The following CA10 variants were observed in gnomAD, a reference collection of about 807,000 sequenced individuals.
The protein encoded by CA10 is carbonic anhydrase-related protein 10.
A neutral mutation model predicts 44.2 loss-of-function variants in CA10; 14 were observed. The observed-to-expected ratio is 0.32, with a 90% CI of 0.21 to 0.50. The LOEUF is 0.50. Ranked by LOEUF, CA10 falls within the 20% of genes least tolerant of loss-of-function variation. The pLI is 0.99. For synonymous variants in CA10, 159 were observed against 141.6 expected (o/e 1.12, Z -0.87); for missense variants, 350 against 409.7 (o/e 0.85, Z 1.26).
At chr17:52,039,380 C>T (rs954596466) in intron 2 of CA10, among the ~76,000 whole-genome samples, 1 of 151,936 alleles carries the variant, frequency 6.6e-6, no homozygotes, top group African/African-American at 2.4e-5. Context: ...GAGAAGTGAT[C>T]ATCTTAAACA....
At chr17:51,884,138 C>T (rs975735953) in intron 3 of CA10, among the ~76,000 whole-genome samples, 1 of 152,134 alleles carries the variant, frequency 6.6e-6, no homozygotes, top group East Asian at 1.9e-4. Flanking sequence ...CTCACTAGCT[C>T]TTCTGTTGCC....
chr17:51,957,168 A>C (rs1983698045), intron 2 of CA10, among the ~76,000 whole-genome samples: 1 of 152,214 alleles, frequency 6.6e-6, no homozygotes, highest in South Asian at 2.1e-4. Flanking sequence ...TTGCGAGTTA[A>C]TTAAAGTAGA....
chr17:51,874,200 A>G (rs1053843493), intron 3 of CA10, among the ~76,000 whole-genome samples: 14 of 152,172 alleles, frequency 9.2e-5, no homozygotes, highest in African/African-American at 2.9e-4. Flanking sequence ...CTTGAAGGAT[A>G]CCAAACAATA....
intron 1 of CA10, among the ~76,000 whole-genome samples, chr17:52,101,646 C>A (rs1383949496): frequency 6.6e-6 from 1 of 152,126 alleles, no homozygotes; most frequent in Non-Finnish European, 1.5e-5. Flanking sequence ...CTTATGTTAA[C>A]CAACAAAGTC....
intron 4 of CA10, among the ~76,000 whole-genome samples, chr17:51,736,129 A>G (rs1342490976): frequency 6.6e-6 from 1 of 152,172 alleles, no homozygotes; most frequent in Non-Finnish European, 1.5e-5. Context: ...CATCACTCAT[A>G]TTTGTCCCAT....
intron 6 of CA10, among the ~76,000 whole-genome samples, chr17:51,638,433 A>G (rs1185514706): frequency 6.6e-6 from 1 of 152,228 alleles, no homozygotes; most frequent in Non-Finnish European, 1.5e-5. Flanking sequence ...GAACGAGGAC[A>G]TGCTCGAGAG....
intron 2 of CA10, among the ~76,000 whole-genome samples, chr17:52,039,048 G>T (rs1209909042): frequency 6.6e-6 from 1 of 152,050 alleles, no homozygotes; most frequent in Non-Finnish European, 1.5e-5. Context: ...CCCAACTCAT[G>T]CATTTTATAA....
intron 1 of CA10, among the ~76,000 whole-genome samples, chr17:52,131,477 T>G (rs2143349556): frequency 6.6e-6 from 1 of 152,332 alleles, no homozygotes; most frequent in East Asian, 1.9e-4. Flanking sequence ...GAATTACAAC[T>G]ATATGCAGAA....
chr17:51,978,366 C>CTGTGTGTGTGTCTGTATGTGTG (rs1567907007), intron 2 of CA10, among the ~76,000 whole-genome samples: 1 of 149,880 alleles, frequency 6.7e-6, no homozygotes, highest in African/African-American at 2.5e-5. Context: ...ATACTCATAT[C>CTGTGTGTGTGTCTGTATGTGTG]TGTGTGTGTG....
chr17:51,732,488 G>A (rs1916753516), intron 4 of CA10, among the ~76,000 whole-genome samples: 1 of 152,188 alleles, frequency 6.6e-6, no homozygotes, highest in South Asian at 2.1e-4. Context: ...TGTGTCAACA[G>A]CACTTGAGCT....
intron 4 of CA10, among the ~76,000 whole-genome samples, chr17:51,720,740 G>C (rs977883844): frequency 1.7e-4 from 26 of 152,144 alleles, no homozygotes; most frequent in African/African-American, 6.3e-4. Context: ...GAGTAGAAAG[G>C]TAGTTACCAG....
chr17:51,751,468 C>T (rs923419462), intron 3 of CA10, among the ~76,000 whole-genome samples: 1 of 152,106 alleles, frequency 6.6e-6, no homozygotes, highest in African/African-American at 2.4e-5. Flanking sequence ...GTAAAAATTG[C>T]CCTCACGAGG....
At chr17:51,681,436 G>A (rs111834636) in intron 4 of CA10, among the ~76,000 whole-genome samples, 10,997 of 152,230 alleles carry the variant, frequency 0.072, 1,354 homozygotes, top group African/African-American at 0.25. Context: ...GTTGATATAA[G>A]GGATGGCTTC....
chr17:51,790,618 G>A (rs535296327), intron 3 of CA10, among the ~76,000 whole-genome samples: 59 of 152,220 alleles, frequency 3.9e-4, no homozygotes, highest in East Asian at 1.5e-3. Flanking sequence ...CAGAGATTCC[G>A]TCTACTCATC....
chr17:52,089,598 T>G lies in CA10; in HGVS notation c.62-17205A>C, dbSNP rs1201159306. Among the ~76,000 whole-genome samples the G allele has an allele frequency of 6.1e-5, 9 of 148,484 alleles. No homozygotes were observed. The East Asian group carries it at 1.6e-3, about 26-fold the overall frequency. ...AGATAGCTGGTGACTATTTATACTG[T>G]TTTTTTTTTCCCTCTATACGTAGAC... On this transcript the variant is annotated intron_variant, in intron 1 of 8. Transcript: ENST00000451037.
At position 51,877,779 on chromosome 17, in the gene CA10, C is replaced by A. The variant is rs150084303; in HGVS notation, c.279+53211G>T. On this transcript the variant is annotated intron_variant, in intron 3 of 8. Coordinates refer to ENST00000451037, the MANE Select transcript of CA10 (RefSeq NM_020178.5). ...GTATAGAAGGTCTTTCATTAACCAG[C>A]AACTTTTTCACATTTTTTGTCTATT... Among the ~76,000 whole-genome samples, 23 of 152,160 alleles carry A rather than the reference C, an allele frequency of 1.5e-4. No homozygotes were observed. The East Asian group carries it at 3.7e-3, about 24-fold the overall frequency.
chr17:51,934,233 ACATGGATTTAAGGC>A (rs1982776510), intron 2 of CA10, among the ~76,000 whole-genome samples: 1 of 152,134 alleles, frequency 6.6e-6, no homozygotes, highest in South Asian at 2.1e-4. Flanking sequence ...TAAATTCATT[ACATGGATTTAAGGC>A]CATAGAGGCA....
chr17:51,734,781 T>A (rs1223555860), intron 4 of CA10, among the ~76,000 whole-genome samples: 2 of 152,264 alleles, frequency 1.3e-5, no homozygotes, highest in East Asian at 3.9e-4. Flanking sequence ...AGTGAATGTC[T>A]TAGTCCATTC....
At chr17:51,830,457 C>T (rs2143782750) in intron 3 of CA10, among the ~76,000 whole-genome samples, 2 of 151,922 alleles carry the variant, frequency 1.3e-5, no homozygotes, top group Admixed American at 6.5e-5. Flanking sequence ...AGATCCATTC[C>T]AGCCTTACAA....
Sources: allele counts gnomAD v4.1 joint callset (sites outside exome capture counted in the v4.1 genomes callset), GRCh38; gene constraint gnomAD v4.1.1; transcripts MANE v1.5; gene names NCBI Gene and HGNC (gene_info 2026-07-23, HGNC 2026-07-21).